Variants in NID1 observed in about 807,000 individuals in gnomAD.
The protein encoded by NID1 is nidogen 1, also known as nidogen-1.
In NID1, 76 loss-of-function variants were observed where a neutral mutation model predicts 130.6. The ratio of observed to expected loss-of-function variants is 0.58; its 90% CI spans 0.48 to 0.70. The LOEUF (loss-of-function observed/expected upper bound fraction) is 0.70. Among genes scored for constraint, NID1 ranks in the 30% least tolerant of loss-of-function variants. NID1 has a pLI of 0.00. For synonymous variants in NID1, 665 were observed against 675.1 expected (o/e 0.98, Z 0.23); for missense variants, 1,517 against 1,664.8 (o/e 0.91, Z 1.54).
chr1:236,057,308 G>A (rs184235138), intron 1 of NID1, among the ~76,000 whole-genome samples: 3 of 152,096 alleles, frequency 2.0e-5, no homozygotes, highest in Admixed American at 1.3e-4. Context: ...ATGAATGTTG[G>A]TGAGTAAAAG....
intron 4 of NID1, among the ~76,000 whole-genome samples, chr1:236,039,066 A>G (rs1384064835): frequency 1.4e-5 from 2 of 138,132 alleles, no homozygotes; most frequent in Admixed American, 1.5e-4. Flanking sequence ...TTATATATAC[A>G]TTATATATAT....
chr1:235,990,272 C>T (rs1250826453), intron 14 of NID1, among the ~76,000 whole-genome samples: 1 of 152,118 alleles, frequency 6.6e-6, no homozygotes, highest in Non-Finnish European at 1.5e-5. Context: ...GGCAAGATGG[C>T]CCAAGTAGCA....
chr1:236,019,656 C>T (rs1480596877), intron 9 of NID1, among the ~76,000 whole-genome samples: 3 of 152,202 alleles, frequency 2.0e-5, no homozygotes, highest in Non-Finnish European at 2.9e-5. Context: ...CTAGACAACA[C>T]CCTTTCTTAA....
chr1:235,982,854 C>T (rs1657478001), intron 15 of NID1, among the ~76,000 whole-genome samples: 1 of 152,056 alleles, frequency 6.6e-6, no homozygotes, highest in South Asian at 2.1e-4. Flanking sequence ...ATGAGGCAAC[C>T]ATTCCAATAC....
chr1:236,038,151 C>A lies in NID1; in HGVS notation c.1238G>T (p.Ser413Ile). 1 of 1,610,510 alleles carries A rather than the reference C, an allele frequency of 6.2e-7. No homozygotes were observed. Reference sequence around the variant, plus strand: ...ATTGCCCGTATAGCCAGCGACACAGCTGCAGCAGAAGCCCGTGGCGTAGTC... The same window carrying A: ...ATTGCCCGTATAGCCAGCGACACAGATGCAGCAGAAGCCCGTGGCGTAGTC... Reference protein sequence around the residue: ...CRDYATGFCCSCVAGYTGNGR... With the variant: ...CRDYATGFCCICVAGYTGNGR... The change falls in exon 5 of 20, where the codon AGC becomes ATC. Residue 413 changes from serine (S) to isoleucine (I), a missense_variant. Physicochemically the swap from Ser to Ile is moderately radical, Grantham distance 142. Coordinates refer to ENST00000264187, the MANE Select transcript of NID1 (RefSeq NM_002508.3).
At chr1:235,989,340 T>C (rs1008131083) in intron 14 of NID1, among the ~76,000 whole-genome samples, 1 of 152,214 alleles carries the variant, frequency 6.6e-6, no homozygotes. Context: ...AAAGAATGTC[T>C]TTCACAGGGA....
intron 13 of NID1, among the ~76,000 whole-genome samples, chr1:235,993,305 G>A (rs1001729725): frequency 2.0e-5 from 3 of 152,238 alleles, no homozygotes; most frequent in African/African-American, 7.2e-5. Context: ...TTGGCAGAGA[G>A]TTCTTCTGGG....
chr1:235,980,818 G>C (rs1312933208), intron 16 of NID1, among the ~76,000 whole-genome samples, 165 bp from the exon 17 acceptor site: 1 of 152,210 alleles, frequency 6.6e-6, no homozygotes, highest in African/African-American at 2.4e-5. Context: ...CTTTTGCAAA[G>C]ATACTTGAAT....
chr1:236,005,047 G>A (rs185781609), intron 12 of NID1, among the ~76,000 whole-genome samples: 8 of 151,734 alleles, frequency 5.3e-5, no homozygotes, highest in African/African-American at 7.3e-5. Flanking sequence ...GGTGGCGTGC[G>A]CCTGAGTCAC....
In NID1 at chr1:236,038,216, A is replaced by G. The variant is rs1027010022; in HGVS notation, c.1173T>C (p.Ala391=). 6.2e-7 allele frequency: 1 copy of G among 1,613,696 alleles called. No individual in the cohort carries two copies. Among genetic ancestry groups the G allele is most frequent in the East Asian group, 2.2e-5 (1 of 44,868 alleles). ...GCACCGAGCACTGGTGTCTGTTGTT[A>G]GCACACGTCTGGCGGGAATCCGTGT... ...SYNTDSRQTC[A]NNRHQCSVHA... The change falls in exon 5 of 20, where the codon GCT becomes GCC. Residue 391 remains alanine, a synonymous_variant. Transcript: ENST00000264187.
At chr1:236,040,268 C>G (rs1209744464) in intron 4 of NID1, among the ~76,000 whole-genome samples, 1 of 152,134 alleles carries the variant, frequency 6.6e-6, no homozygotes, top group Non-Finnish European at 1.5e-5. Flanking sequence ...CCCCAGGAAC[C>G]CAGGGTGCAG....
intron 14 of NID1, among the ~76,000 whole-genome samples, chr1:235,987,363 T>C (rs1657603722): frequency 6.6e-6 from 1 of 152,214 alleles, no homozygotes; most frequent in Non-Finnish European, 1.5e-5. Flanking sequence ...TTTTGCAAAT[T>C]AAAATATTTT....
rs1401957877 is a variant in NID1 at position 236,024,229 on chromosome 1, C to T, written c.1985-16G>A. 1 of 1,613,726 alleles carries T rather than the reference C, an allele frequency of 6.2e-7. No homozygotes were observed. The highest frequency in any genetic ancestry group is 2.2e-5 in the East Asian group (1 of 44,884). On this transcript the variant is annotated splice_polypyrimidine_tract_variant and intron_variant, in intron 8 of 19. Transcript: ENST00000264187. ...GGGGAGCCTTCTGTGAAGACAGAGA[C>T]ATTGGAACCAAGTGAGTCTTCAGGA...
At chr1:236,027,252 T>A (rs1349574686) in intron 7 of NID1, among the ~76,000 whole-genome samples, 3 of 151,916 alleles carry the variant, frequency 2.0e-5, no homozygotes, top group Non-Finnish European at 2.9e-5. Context: ...CCTGTTTTTT[T>A]AAAAAAAAGC....
intron 6 of NID1, among the ~76,000 whole-genome samples, chr1:236,031,414 G>A (rs777450308): frequency 1.3e-5 from 2 of 152,126 alleles, no homozygotes; most frequent in East Asian, 1.9e-4. Flanking sequence ...CACCATGCCC[G>A]GCCTCACTCC....
At chr1:235,986,006 C>G (rs1249503907) in intron 14 of NID1, among the ~76,000 whole-genome samples, 3 of 152,176 alleles carry the variant, frequency 2.0e-5, no homozygotes, top group African/African-American at 7.2e-5. Context: ...AGCAAGCCAT[C>G]TGACTCAGCC....
intron 15 of NID1, among the ~76,000 whole-genome samples, chr1:235,984,375 G>A (rs1182778631): frequency 1.3e-5 from 2 of 152,242 alleles, no homozygotes; most frequent in East Asian, 3.9e-4. Flanking sequence ...CTTCATTCCT[G>A]CCGCATCATC....
intron 14 of NID1, among the ~76,000 whole-genome samples, chr1:235,986,727 C>T (rs997537225): frequency 6.6e-6 from 1 of 152,162 alleles, no homozygotes; most frequent in Non-Finnish European, 1.5e-5. Flanking sequence ...CTCCCAAAGT[C>T]CTGAGATTAC....
At chr1:236,003,187 TGGTAGTTGTCACTCCTAGTGAACGACC>T (rs796505687) in intron 12 of NID1, among the ~76,000 whole-genome samples, 31,112 of 145,072 alleles carry the variant, frequency 0.21, 7,842 homozygotes, top group East Asian at 0.65. Context: ...AGTGAACGAC[TGGTAGTTGTCACTCCTAGTGAACGACC>T]GGTAGTTATT....
Sources: allele counts gnomAD v4.1 joint callset (sites outside exome capture counted in the v4.1 genomes callset), GRCh38; gene constraint gnomAD v4.1.1; transcripts MANE v1.5; gene names NCBI Gene and HGNC (gene_info 2026-07-23, HGNC 2026-07-21).